Variants in HDAC4 observed in about 807,000 individuals in gnomAD.
HDAC4 encodes the protein histone deacetylase 4.
In HDAC4, 16 loss-of-function variants were observed where a neutral mutation model predicts 135.1. The observed-to-expected ratio is 0.12, with a 90% CI of 0.08 to 0.18. HDAC4 has a LOEUF of 0.18. HDAC4 is among the 10% of genes least tolerant of loss of function. The pLI is 1.00. For synonymous variants in HDAC4, 685 were observed against 653.4 expected (o/e 1.05, Z -0.74); for missense variants, 1,143 against 1,511.8 (o/e 0.76, Z 4.05).
intron 2 of HDAC4, among the ~76,000 whole-genome samples, chr2:239,252,197 G>A (rs542817090): frequency 2.6e-5 from 4 of 152,086 alleles, no homozygotes; most frequent in Admixed American, 2.0e-4. Context: ...GAGCAGGATC[G>A]CCCAGCATCA....
At chr2:239,186,807 G>A (rs974176428) in intron 4 of HDAC4, 20 of 152,298 alleles carry the variant, frequency 1.3e-4, no homozygotes, top group African/African-American at 4.8e-4. Flanking sequence ...TGGCAGCACT[G>A]ACCCCAACTC....
chr2:239,287,829 C>A (rs2051223389), intron 2 of HDAC4, among the ~76,000 whole-genome samples: 1 of 152,040 alleles, frequency 6.6e-6, no homozygotes, highest in Admixed American at 6.5e-5. Flanking sequence ...ACACCAGAAG[C>A]AAATCTATGA....
At chr2:239,190,880 G>A (rs1187532529) in intron 3 of HDAC4, 1 of 440,734 alleles carries the variant, frequency 2.3e-6, no homozygotes. Flanking sequence ...CAGGAAGAAG[G>A]GTAGGTTTAA....
chr2:239,223,799 A>G (rs1245349771), intron 3 of HDAC4, among the ~76,000 whole-genome samples: 2 of 151,904 alleles, frequency 1.3e-5, no homozygotes, highest in African/African-American at 4.8e-5. Flanking sequence ...CAGCAGGAAC[A>G]CTTTACAAAG....
At chr2:239,387,875 C>G (rs770430648) in intron 1 of HDAC4, among the ~76,000 whole-genome samples, 1 of 152,176 alleles carries the variant, frequency 6.6e-6, no homozygotes, top group Non-Finnish European at 1.5e-5. Context: ...GCAATGGGCA[C>G]TAAGGGGAGT....
intron 3 of HDAC4, among the ~76,000 whole-genome samples, chr2:239,225,490 C>CCCACCACCTGCAGGGTG (rs2047185067): frequency 6.6e-6 from 1 of 152,246 alleles, no homozygotes; most frequent in Non-Finnish European, 1.5e-5. Context: ...TAGCTGGACT[C>CCCACCACCTGCAGGGTG]CCACCACCTG....
intron 2 of HDAC4, among the ~76,000 whole-genome samples, chr2:239,246,707 T>A (rs2048484172): frequency 6.6e-6 from 1 of 152,238 alleles, no homozygotes; most frequent in Non-Finnish European, 1.5e-5. Flanking sequence ...CCTCCCTAAG[T>A]AAGACAACAC....
chr2:239,155,283 C>A (rs1222937306), intron 7 of HDAC4, among the ~76,000 whole-genome samples: 2 of 151,254 alleles, frequency 1.3e-5, no homozygotes, highest in African/African-American at 4.9e-5. Context: ...CCACCTGGGA[C>A]ATGGGCCAGA....
chr2:239,292,723 T>C (rs2051602793), intron 2 of HDAC4, among the ~76,000 whole-genome samples: 1 of 152,070 alleles, frequency 6.6e-6, no homozygotes, highest in African/African-American at 2.4e-5. Context: ...TGTTTCTTTT[T>C]TGTTTCTTTG....
intron 18 of HDAC4, among the ~76,000 whole-genome samples, chr2:239,088,471 T>G (rs1447884357): frequency 1.3e-5 from 2 of 152,214 alleles, no homozygotes; most frequent in Non-Finnish European, 2.9e-5. Flanking sequence ...TGCTTCCGAG[T>G]GTAGGCTGCA....
chr2:239,345,970 G>A (rs1367725378), intron 2 of HDAC4, among the ~76,000 whole-genome samples: 6 of 128,310 alleles, frequency 4.7e-5, no homozygotes, highest in Admixed American at 3.5e-4. Flanking sequence ...CACACCGTCT[G>A]AAACACATAT....
chr2:239,243,600 C>T (rs896103908), intron 2 of HDAC4, among the ~76,000 whole-genome samples: 18 of 151,746 alleles, frequency 1.2e-4, no homozygotes, highest in African/African-American at 2.9e-4. Context: ...GACACGGGAA[C>T]GGAAGCTTAG....
Position 239,400,108 on chromosome 2 carries a change from C to G in HDAC4, c.-220+870G>C, listed in dbSNP as rs992050768. Among the ~76,000 whole-genome samples the G allele has an allele frequency of 6.6e-6, 1 of 152,038 alleles. No homozygotes were observed. Among genetic ancestry groups the G allele is most frequent in the African/African-American group, 2.4e-5 (1 of 41,440 alleles). ...CCGTGGTGTGTTTTCGCAACGCCGG[C>G]AAACGCGGATCCCACCCCCGAGCGG... On this transcript the variant is annotated intron_variant, in intron 1 of 26. Coordinates refer to ENST00000543185, the MANE Select transcript of HDAC4 (RefSeq NM_001378414.1). The surrounding 1 kb of genome is among the most constrained non-coding windows in gnomAD (Gnocchi z 4.7).
At chr2:239,259,485 C>T (rs1426895232) in intron 2 of HDAC4, among the ~76,000 whole-genome samples, 2 of 152,164 alleles carry the variant, frequency 1.3e-5, no homozygotes, top group African/African-American at 4.8e-5. Flanking sequence ...CAAAAAAACA[C>T]TTATAAATTA....
At chr2:239,319,523 C>T (rs1182629532) in intron 2 of HDAC4, among the ~76,000 whole-genome samples, 7 of 152,184 alleles carry the variant, frequency 4.6e-5, no homozygotes, top group African/African-American at 9.7e-5. Context: ...ACGGTGTGGC[C>T]GTGCTGGAGG....
intron 2 of HDAC4, among the ~76,000 whole-genome samples, chr2:239,254,745 G>C (rs1351172938): frequency 3.9e-5 from 6 of 152,186 alleles, no homozygotes; most frequent in Non-Finnish European, 7.4e-5. Context: ...TAACGAATGA[G>C]AATATTCCAG....
At chr2:239,383,993 A>G (rs2126069944) in intron 1 of HDAC4, among the ~76,000 whole-genome samples, 1 of 152,306 alleles carries the variant, frequency 6.6e-6, no homozygotes, top group African/African-American at 2.4e-5. Flanking sequence ...CGAGAGGCCT[A>G]CTGACGTGAG....
At chr2:239,284,651 A>G (rs1263918293) in intron 2 of HDAC4, among the ~76,000 whole-genome samples, 4 of 152,158 alleles carry the variant, frequency 2.6e-5, no homozygotes, top group Non-Finnish European at 5.9e-5. Context: ...AGAGCAGGCC[A>G]CCACAGTAGG....
At chr2:239,316,450 A>G (rs1396458597) in intron 2 of HDAC4, among the ~76,000 whole-genome samples, 1 of 152,136 alleles carries the variant, frequency 6.6e-6, no homozygotes, top group Non-Finnish European at 1.5e-5. Context: ...AAAATTAAAG[A>G]TAAAAAAATT....
Sources: gnomAD v4.1 joint callset for allele counts (sites outside exome capture counted in the v4.1 genomes callset) on GRCh38, gnomAD v4.1.1 for gene constraint, Gnocchi (gnomAD v3.1) non-coding constraint, MANE v1.5 for transcripts, NCBI Gene and HGNC (gene_info 2026-07-23, HGNC 2026-07-21) for gene names.